NOMO2: variants seen among roughly 807,000 people sequenced by gnomAD.
NOMO2 encodes the protein BOS complex subunit NOMO2.
A neutral mutation model predicts 67.1 loss-of-function variants in NOMO2; 14 were observed. The ratio of observed to expected loss-of-function variants is 0.21; its 90% CI spans 0.14 to 0.33. NOMO2 has a LOEUF of 0.33. Among genes scored for constraint, NOMO2 ranks in the 10% least tolerant of loss-of-function variants. The probability of loss-of-function intolerance (pLI) is 1.00; values close to 1 mark genes in which losing one functional copy is unlikely to be tolerated. For synonymous variants in NOMO2, 80 were observed against 305.9 expected (o/e 0.26, Z 7.71); for missense variants, 178 against 761.0 (o/e 0.23, Z 9.01).
chr16:18,520,414 ACCATCCATCCAT>A (rs766197133), intron 20 of NOMO2, among the ~76,000 whole-genome samples, 171 bp downstream of exon 20: 1 of 146,266 alleles, frequency 6.8e-6, no homozygotes, highest in African/African-American at 2.5e-5. Context: ...ATCCAACCCA[ACCATCCATCCAT>A]CCATCCATCC....
intron 10 of NOMO2, 36 bp from the exon 11 acceptor site, chr16:18,538,712 A>G (rs1289906073): frequency 1.9e-6 from 3 of 1,613,708 alleles, no homozygotes; most frequent in Non-Finnish European, 2.5e-6. Context: ...AAGATAAGCC[A>G]AAAATAACAG....
intron 6 of NOMO2, among the ~76,000 whole-genome samples, chr16:18,545,458 A>G (rs1243543060): frequency 6.6e-6 from 1 of 151,818 alleles, no homozygotes; most frequent in Non-Finnish European, 1.5e-5. Context: ...CAAAAGTCAT[A>G]AACAGTAAGA....
intron 1 of NOMO2, among the ~76,000 whole-genome samples, chr16:18,561,173 T>TAAAAAAAAAAA (rs756246897): frequency 5.9e-4 from 19 of 32,448 alleles, no homozygotes; most frequent in African/African-American, 1.5e-3. Flanking sequence ...ACAACTTAAT[T>TAAAAAAAAAAA]AAAAAAAAAA....
intron 16 of NOMO2, among the ~76,000 whole-genome samples, chr16:18,527,140 C>T (rs1901163717): frequency 8.3e-6 from 1 of 120,042 alleles, no homozygotes. Context: ...CGCTTGAACC[C>T]AGGAGGCGGA....
intron 11 of NOMO2, among the ~76,000 whole-genome samples, chr16:18,535,524 G>A (rs1368435651): frequency 1.3e-5 from 2 of 152,068 alleles, no homozygotes; most frequent in Non-Finnish European, 2.9e-5. Context: ...CATCTACCCA[G>A]TGGCTCAAAT....
chr16:18,556,955 G>A (rs181571450), intron 2 of NOMO2, among the ~76,000 whole-genome samples: 97 of 151,932 alleles, frequency 6.4e-4, no homozygotes, highest in African/African-American at 1.7e-3. Context: ...GCAAAACCCC[G>A]TCACTATTAA....
chr16:18,558,743 A>T, intron 1 of NOMO2: 1 of 436,342 alleles, frequency 2.3e-6, no homozygotes, highest in Admixed American at 2.4e-5. Flanking sequence ...TGAGTCTTCC[A>T]CGTGTTGTGT....
At chr16:18,536,001 CT>C (rs1235387490) in intron 11 of NOMO2, among the ~76,000 whole-genome samples, 1 of 151,994 alleles carries the variant, frequency 6.6e-6, no homozygotes, top group South Asian at 2.1e-4. Context: ...TTTCACCATG[CT>C]GGCCAGGCTG....
At chr16:18,531,341 A>C in intron 13 of NOMO2, 125 bp downstream of exon 13, 1 of 1,454,128 alleles carries the variant, frequency 6.9e-7, no homozygotes, top group East Asian at 2.3e-5. Context: ...GACTCCAAGA[A>C]GCCTCCCTCG....
At chr16:18,558,665 T>G in intron 1 of NOMO2, 1 of 299,156 alleles carries the variant, frequency 3.3e-6, no homozygotes, top group African/African-American at 2.2e-5. Context: ...AAGGACTCTC[T>G]AAAACTCTTA....
intron 11 of NOMO2, among the ~76,000 whole-genome samples, chr16:18,535,629 G>A (rs545273515): frequency 7.9e-5 from 12 of 151,874 alleles, no homozygotes; most frequent in Admixed American, 4.6e-4. Context: ...CCTGCCAGCC[G>A]CCTGGGCCCG....
At chr16:18,559,213 T>C (rs1269749012) in intron 1 of NOMO2, among the ~76,000 whole-genome samples, 7 of 152,096 alleles carry the variant, frequency 4.6e-5, no homozygotes, top group African/African-American at 1.7e-4. Context: ...TTTGTATTAC[T>C]GTTTAATATC....
chr16:18,551,254 T>A (rs1901780576), intron 4 of NOMO2, among the ~76,000 whole-genome samples, 185 bp downstream of exon 4: 1 of 151,896 alleles, frequency 6.6e-6, no homozygotes, highest in African/African-American at 2.4e-5. Flanking sequence ...TCAATCTCAC[T>A]CCTAAATACA....
At chr16:18,536,941 C>T (rs1347427323) in intron 11 of NOMO2, among the ~76,000 whole-genome samples, 5 of 151,978 alleles carry the variant, frequency 3.3e-5, no homozygotes, top group East Asian at 1.9e-4. Flanking sequence ...GGACTGTGTT[C>T]ACCAGGGCCC....
At position 18,529,297 on chromosome 16, in the gene NOMO2, G is replaced by A; in HGVS notation, c.1806+204C>T. The A allele has an allele frequency of 6.3e-6, 4 of 637,828 alleles. No homozygotes were observed. The South Asian group carries it at 7.6e-5, about 12-fold the overall frequency. 39.5% of individuals were successfully genotyped at this position (637,828 alleles called of 1,614,324 possible). A position where few individuals can be genotyped will look rare whatever the true frequency, so the allele number is the denominator to read the frequency against. On this transcript the variant is annotated intron_variant, in intron 15 of 30. Transcript: ENST00000622306. ...CAGATTTAGTGTAGGGCCAGGACAA[G>A]GAAACCTCCTAAATACAGGGGTCCT...
At chr16:18,528,742 G>A (rs932651180) in intron 15 of NOMO2, among the ~76,000 whole-genome samples, 3 of 151,086 alleles carry the variant, frequency 2.0e-5, no homozygotes, top group Non-Finnish European at 4.4e-5. Flanking sequence ...ATCCCCTGAG[G>A]TCAGGAGTTT....
chr16:18,529,165 A>T (rs1000352422), intron 15 of NOMO2, among the ~76,000 whole-genome samples: 2 of 148,898 alleles, frequency 1.3e-5, no homozygotes, highest in African/African-American at 4.9e-5. Flanking sequence ...TTTTCGGTGA[A>T]AACTGAGGCT....
In NOMO2 at chr16:18,526,943, G is replaced by A. The variant is rs574300040; in HGVS notation, c.1894+594C>T. ...TTATAAAAGAGAGAGAAGGTTGGGT[G>A]CAGCAGCTCACACCTGTAATCCCAG... On this transcript the variant is annotated intron_variant, in intron 16 of 30. Coordinates refer to ENST00000622306, the MANE Select transcript of NOMO2 (RefSeq NM_173614.4). 1.4e-3 allele frequency among the ~76,000 whole-genome samples: 208 copies of A among 151,764 alleles called. 2 individuals are homozygous for A. The highest frequency in any genetic ancestry group is 4.5e-3 in the African/African-American group (187 of 41,414).
At position 18,562,065 on chromosome 16, in the gene NOMO2, C is replaced by T; in HGVS notation, c.-25G>A. The T allele has an allele frequency of 7.0e-7, 1 of 1,421,618 alleles. No individual in the cohort carries two copies. Among genetic ancestry groups the T allele is most frequent in the Non-Finnish European group, 9.1e-7 (1 of 1,093,234 alleles). The allele number at this position is 1,421,618 out of a possible 1,614,324, so 88.1% of individuals were successfully genotyped here. On this transcript the variant is annotated 5_prime_UTR_variant, in exon 1 of 31. Coordinates refer to ENST00000622306, the MANE Select transcript of NOMO2 (RefSeq NM_173614.4). ...TGGCCCGACCTCCCCCAGCTAGACC[C>T]ACCGCCGGCAGCCGGGTCCCGCCCC...
Sources: allele counts gnomAD v4.1 joint callset (sites outside exome capture counted in the v4.1 genomes callset), GRCh38; gene constraint gnomAD v4.1.1; transcripts MANE v1.5; gene names NCBI Gene and HGNC (gene_info 2026-07-23, HGNC 2026-07-21).